Variants in PTPRD observed in about 807,000 individuals in gnomAD.
The protein encoded by PTPRD is protein tyrosine phosphatase receptor type D.
PTPRD carries 34 observed loss-of-function variants against 214.5 expected under a neutral mutation model. That is an observed-to-expected ratio of 0.16 (90% CI 0.12 to 0.21). The LOEUF is 0.21. PTPRD is among the 10% of genes least tolerant of loss of function. The probability of loss-of-function intolerance (pLI) is 1.00; values close to 1 mark genes in which losing one functional copy is unlikely to be tolerated. For missense variants in PTPRD, 2,545 were observed against 2,398.7 expected, an observed-to-expected ratio of 1.06 and a Z score of -1.27; for synonymous variants, 1,128 against 845.7, an observed-to-expected ratio of 1.33 and a Z score of -5.79.
intron 14 of PTPRD, among the ~76,000 whole-genome samples, chr9:8,585,937 A>G (rs2093619634): frequency 6.6e-6 from 1 of 152,206 alleles, no homozygotes; most frequent in Admixed American, 6.5e-5. Context: ...TCAGTCAAAG[A>G]TTAAAATTTT....
At chr9:10,483,447 A>G (rs754699001) in intron 2 of PTPRD, among the ~76,000 whole-genome samples, 1 of 152,106 alleles carries the variant, frequency 6.6e-6, no homozygotes, top group African/African-American at 2.4e-5. Flanking sequence ...AAACTAAAAA[A>G]GTTTCTGTAC....
intron 8 of PTPRD, among the ~76,000 whole-genome samples, chr9:9,555,667 A>G (rs551549979): frequency 5.3e-4 from 80 of 152,230 alleles, no homozygotes; most frequent in Non-Finnish European, 1.0e-3. Flanking sequence ...AGAAGAAACC[A>G]CGTTTGGCAT....
intron 11 of PTPRD, among the ~76,000 whole-genome samples, chr9:9,006,280 C>A (rs2099466174): frequency 6.6e-6 from 1 of 152,000 alleles, no homozygotes; most frequent in Non-Finnish European, 1.5e-5. Context: ...GCTATGAGAG[C>A]AAATATAATG....
At chr9:9,912,414 T>G (rs184143347) in intron 5 of PTPRD, among the ~76,000 whole-genome samples, 2 of 152,320 alleles carry the variant, frequency 1.3e-5, no homozygotes, top group Admixed American at 6.5e-5. Flanking sequence ...ATGCTGTAAA[T>G]TCCACTATTT....
At chr9:9,022,916 T>G (rs991243505) in intron 10 of PTPRD, among the ~76,000 whole-genome samples, 1 of 152,072 alleles carries the variant, frequency 6.6e-6, no homozygotes, top group African/African-American at 2.4e-5. Flanking sequence ...GAAAATAAAA[T>G]GTAGAAATTT....
chr9:8,566,788 G>C (rs774636672), intron 14 of PTPRD, among the ~76,000 whole-genome samples: 8 of 152,182 alleles, frequency 5.3e-5, no homozygotes, highest in Non-Finnish European at 1.2e-4. Context: ...TGTAAACATA[G>C]TTCCAGCCCA....
In PTPRD at chr9:9,343,433, G is replaced by T. The variant is rs145281568; in HGVS notation, c.-203+54016C>A. 2.4e-3 allele frequency among the ~76,000 whole-genome samples: 367 copies of T among 152,168 alleles called. 1 individual carries two copies. The highest frequency in any genetic ancestry group is 8.5e-3 in the African/African-American group (354 of 41,546). On this transcript the variant is annotated intron_variant, in intron 9 of 45. Coordinates refer to ENST00000381196, the MANE Select transcript of PTPRD (RefSeq NM_002839.4). ...ATCACCATTCTAACTGGTGTGAGTG[G>T]TATCTCACTGTGGTTTTGATTTGCA...
intron 3 of PTPRD, among the ~76,000 whole-genome samples, chr9:10,041,963 C>A (rs918674023): frequency 3.9e-5 from 6 of 152,014 alleles, no homozygotes; most frequent in Non-Finnish European, 8.8e-5. Flanking sequence ...GGAATGTATT[C>A]CTAGCTGAAG....
At chr9:8,684,240 C>G (rs1272248805) in intron 12 of PTPRD, among the ~76,000 whole-genome samples, 2 of 152,160 alleles carry the variant, frequency 1.3e-5, no homozygotes, top group Non-Finnish European at 2.9e-5. Context: ...GCCAGCAAAC[C>G]CAATTCTCTG....
intron 10 of PTPRD, among the ~76,000 whole-genome samples, chr9:9,169,542 A>C (rs2099910574): frequency 6.6e-6 from 1 of 152,206 alleles, no homozygotes; most frequent in Non-Finnish European, 1.5e-5. Context: ...CTATAAAGAA[A>C]GTCTCTTTAC....
chr9:8,986,453 CAT>C (rs915081658), intron 11 of PTPRD, among the ~76,000 whole-genome samples: 2 of 151,490 alleles, frequency 1.3e-5, no homozygotes, highest in African/African-American at 2.4e-5. Flanking sequence ...ATATTATATG[CAT>C]ATATGTCATA....
At chr9:9,288,871 G>A (rs1234152424) in intron 9 of PTPRD, among the ~76,000 whole-genome samples, 1 of 151,634 alleles carries the variant, frequency 6.6e-6, no homozygotes, top group Non-Finnish European at 1.5e-5. Flanking sequence ...GTTTTATAAG[G>A]GACTTTTCCT....
intron 7 of PTPRD, among the ~76,000 whole-genome samples, chr9:9,601,155 G>T (rs963846691): frequency 3.3e-5 from 4 of 121,960 alleles, no homozygotes; most frequent in African/African-American, 8.8e-5. Flanking sequence ...GTGTGTATGG[G>T]GGGGGGAGAG....
At chr9:8,519,446 C>A (rs1482893005) in intron 20 of PTPRD, among the ~76,000 whole-genome samples, 1 of 152,134 alleles carries the variant, frequency 6.6e-6, no homozygotes, top group Non-Finnish European at 1.5e-5. Flanking sequence ...TAGGAAGGGG[C>A]ATTCTAATAG....
At chr9:9,438,613 C>T (rs1200098306) in intron 8 of PTPRD, among the ~76,000 whole-genome samples, 1 of 152,142 alleles carries the variant, frequency 6.6e-6, no homozygotes, top group African/African-American at 2.4e-5. Context: ...AGTCTCTGGA[C>T]TATGATGCCG....
chr9:9,481,926 A>C (rs1307342995), intron 8 of PTPRD, among the ~76,000 whole-genome samples: 1 of 152,176 alleles, frequency 6.6e-6, no homozygotes, highest in African/African-American at 2.4e-5. Context: ...TTAATAGATA[A>C]AAATTAATAA....
chr9:8,505,344 C>G (rs1013680057), intron 22 of PTPRD, among the ~76,000 whole-genome samples: 2 of 152,008 alleles, frequency 1.3e-5, no homozygotes, highest in Non-Finnish European at 1.5e-5. Flanking sequence ...AATTCAAGGC[C>G]GGGCACGGTG....
At chr9:9,974,854 A>C (rs1440439091) in intron 4 of PTPRD, among the ~76,000 whole-genome samples, 2 of 152,192 alleles carry the variant, frequency 1.3e-5, no homozygotes, top group Non-Finnish European at 2.9e-5. Flanking sequence ...GCATGCAGTG[A>C]GTGAGAACTT....
chr9:8,468,798 G>GAA (rs35027583), intron 31 of PTPRD, among the ~76,000 whole-genome samples: 3,447 of 123,372 alleles, frequency 0.028, 132 homozygotes, highest in Admixed American at 0.082. Context: ...ATCCATGGTA[G>GAA]AAAAAAAAAA....
Sources: allele counts gnomAD v4.1 joint callset (sites outside exome capture counted in the v4.1 genomes callset), GRCh38; gene constraint gnomAD v4.1.1; transcripts MANE v1.5; gene names NCBI Gene and HGNC (gene_info 2026-07-23, HGNC 2026-07-21).